PCDH15: variants seen among roughly 807,000 people sequenced by gnomAD.
The protein encoded by PCDH15 is protocadherin related 15, also known as protocadherin-15.
In PCDH15, 129 loss-of-function variants were observed where a neutral mutation model predicts 178.5. The ratio of observed to expected loss-of-function variants is 0.72; its 90% confidence interval spans 0.63 to 0.84. PCDH15 has a LOEUF of 0.84. Among genes scored for constraint, PCDH15 ranks in the 40% least tolerant of loss-of-function variants. The pLI, the probability that PCDH15 is intolerant of heterozygous loss-of-function variation, is 0.00. For synonymous variants in PCDH15, 800 were observed against 732.0 expected (o/e 1.09, Z -1.50); for missense variants, 2,230 against 2,099.9 (o/e 1.06, Z -1.21).
chr10:54,465,590 G>C (rs1341583942), intron 3 of PCDH15, among the ~76,000 whole-genome samples: 1 of 151,954 alleles, frequency 6.6e-6, no homozygotes, highest in Non-Finnish European at 1.5e-5. Context: ...TTTTATGGCT[G>C]AATAGTTTTT....
At chr10:54,046,668 A>T (rs781125663) in intron 18 of PCDH15, among the ~76,000 whole-genome samples, 51 of 152,168 alleles carry the variant, frequency 3.4e-4, no homozygotes, top group Non-Finnish European at 6.0e-4. Context: ...GGAGGAAAGC[A>T]ATTGCGCCTG....
At chr10:53,888,702 T>TATATATATATATA (rs1554845542) in intron 26 of PCDH15, among the ~76,000 whole-genome samples, 1,633 of 46,146 alleles carry the variant, frequency 0.035, 462 homozygotes, top group South Asian at 0.063. Flanking sequence ...TATATATATA[T>TATATATATATATA]ATCTCCTGTG....
chr10:53,888,576 GTTTTT>G (rs71004492), intron 26 of PCDH15, among the ~76,000 whole-genome samples: 1 of 39,446 alleles, frequency 2.5e-5, no homozygotes, highest in Non-Finnish European at 4.5e-5. Flanking sequence ...GATTTTGTCT[GTTTTT>G]TTTTTTTTTT....
chr10:54,900,109 A>T (rs1382779009), intron 2 of PCDH15, among the ~76,000 whole-genome samples: 1 of 152,190 alleles, frequency 6.6e-6, no homozygotes, highest in Non-Finnish European at 1.5e-5. Flanking sequence ...TACTTATTTA[A>T]GGCATGTTCA....
chr10:54,705,315 T>C (rs1439321833), intron 1 of PCDH15, among the ~76,000 whole-genome samples: 1 of 151,772 alleles, frequency 6.6e-6, no homozygotes, highest in African/African-American at 2.4e-5. Context: ...CCTAAAATAA[T>C]TAAAAAAAAT....
chr10:54,023,062 C>G lies in PCDH15; in HGVS notation c.2356G>C (p.Glu786Gln). The G allele has an allele frequency of 6.2e-7, 1 of 1,613,966 alleles. No individual in the cohort carries two copies. Among genetic ancestry groups the G allele is most frequent in the African/African-American group, 1.3e-5 (1 of 75,024 alleles). ...CCATCTGTTGCCACAACAACAAGTT[C>G]ATAGTAGTCCCTGACTTCTCTGTTA... Reference protein sequence around the residue: ...KLNREVRDYYELVVVATDGAV... With the variant: ...KLNREVRDYYQLVVVATDGAV... Residue 786 changes from glutamate to glutamine, a missense_variant, in exon 19 of 38, where the codon GAA (glutamate) becomes CAA (glutamine). Physicochemically the swap from Glu to Gln is conservative, Grantham distance 29 (BLOSUM62 2). Transcript: ENST00000644397.
intron 3 of PCDH15, among the ~76,000 whole-genome samples, chr10:54,516,772 G>A (rs1356604096): frequency 6.6e-6 from 1 of 152,084 alleles, no homozygotes; most frequent in East Asian, 1.9e-4. Context: ...ATTCACCAAA[G>A]TTGAAATGAA....
chr10:54,199,200 A>T (rs2049987507), intron 10 of PCDH15, among the ~76,000 whole-genome samples: 1 of 152,058 alleles, frequency 6.6e-6, no homozygotes, highest in Non-Finnish European at 1.5e-5. Flanking sequence ...GCTACTATGT[A>T]TTTTGTTCTA....
chr10:54,655,693 G>T (rs2094391186), intron 2 of PCDH15: 1 of 152,058 alleles, frequency 6.6e-6, no homozygotes, highest in Non-Finnish European at 1.5e-5. Context: ...CTGATTACCA[G>T]AAAATTCTTC....
At chr10:55,359,189 T>G (rs1468049801) in intron 2 of PCDH15, among the ~76,000 whole-genome samples, 4 of 151,442 alleles carry the variant, frequency 2.6e-5, no homozygotes, top group Non-Finnish European at 5.9e-5. Flanking sequence ...AGAGTGAGAC[T>G]GTGTTTCAAA....
At chr10:55,612,370 A>G (rs1263034557) in intron 2 of PCDH15, among the ~76,000 whole-genome samples, 1 of 152,074 alleles carries the variant, frequency 6.6e-6, no homozygotes, top group Non-Finnish European at 1.5e-5. Flanking sequence ...TAGATTTTTC[A>G]TTTTCTATTA....
intron 1 of PCDH15, among the ~76,000 whole-genome samples, chr10:54,668,375 A>G (rs2094604972): frequency 6.6e-6 from 1 of 152,190 alleles, no homozygotes; most frequent in Non-Finnish European, 1.5e-5. Flanking sequence ...TTCATTCAGT[A>G]AATGAAGTGA....
chr10:54,979,751 A>G (rs768931781), intron 2 of PCDH15, among the ~76,000 whole-genome samples: 1 of 152,014 alleles, frequency 6.6e-6, no homozygotes, highest in Non-Finnish European at 1.5e-5. Flanking sequence ...ATACAATGAA[A>G]TATTATTTAG....
chr10:54,707,388 A>G (rs1433156421), intron 1 of PCDH15, among the ~76,000 whole-genome samples: 1 of 152,180 alleles, frequency 6.6e-6, no homozygotes, highest in African/African-American at 2.4e-5. Flanking sequence ...TCATATTTTG[A>G]TATATTTTCC....
intron 1 of PCDH15, among the ~76,000 whole-genome samples, chr10:55,258,161 T>C (rs919068352): frequency 1.3e-5 from 2 of 152,198 alleles, no homozygotes; most frequent in African/African-American, 4.8e-5. Context: ...GAATTTGCTA[T>C]AGGCTTTTAG....
chr10:54,102,646 G>A (rs1308089936), intron 15 of PCDH15, among the ~76,000 whole-genome samples: 1 of 152,108 alleles, frequency 6.6e-6, no homozygotes, highest in Non-Finnish European at 1.5e-5. Flanking sequence ...TATTTTTCTA[G>A]GTAGAAGAAG....
At chr10:54,361,180 C>A (rs1589033701) in intron 5 of PCDH15, among the ~76,000 whole-genome samples, 1 of 152,092 alleles carries the variant, frequency 6.6e-6, no homozygotes, top group East Asian at 1.9e-4. Context: ...GTAAAACCCA[C>A]AGAGGTTTCA....
chr10:54,234,349 C>T (rs908639202), intron 9 of PCDH15, among the ~76,000 whole-genome samples: 1 of 152,106 alleles, frequency 6.6e-6, no homozygotes, highest in Non-Finnish European at 1.5e-5. Flanking sequence ...ATCAAATTCT[C>T]ACAACCCTTT....
chr10:55,296,016 C>T (rs1296613427), intron 1 of PCDH15, among the ~76,000 whole-genome samples: 1 of 152,134 alleles, frequency 6.6e-6, no homozygotes, highest in Non-Finnish European at 1.5e-5. Flanking sequence ...AGATCTTATA[C>T]TTTGCTGTAA....
Sources: gnomAD v4.1 joint callset for allele counts (sites outside exome capture counted in the v4.1 genomes callset) on GRCh38, gnomAD v4.1.1 for gene constraint, MANE v1.5 for transcripts, NCBI Gene and HGNC (gene_info 2026-07-23, HGNC 2026-07-21) for gene names.